The following ELP1 variants were observed in gnomAD, a reference collection of about 807,000 sequenced individuals.
The protein encoded by ELP1 is elongator acetyltransferase complex subunit 1.
ELP1 carries 131 observed loss-of-function variants against 183.2 expected under a neutral mutation model. That is an observed-to-expected ratio of 0.72 (90% confidence interval 0.62 to 0.83). The LOEUF (loss-of-function observed/expected upper bound fraction) is 0.83. Among genes scored for constraint, ELP1 ranks in the 40% least tolerant of loss-of-function variants. ELP1 has a pLI of 0.00. For missense variants in ELP1, 1,550 were observed against 1,594.9 expected (o/e 0.97, Z 0.48); for synonymous variants, 555 against 569.0 (o/e 0.98, Z 0.35).
intron 35 of ELP1, among the ~76,000 whole-genome samples, chr9:108,876,101 C>A (rs531085661): frequency 9.2e-4 from 140 of 152,070 alleles, no homozygotes; most frequent in Middle Eastern, 3.4e-3. Flanking sequence ...CTTGGTGACA[C>A]CCTGTCTCTA....
Position 108,868,104 on chromosome 9 carries a change from GA to G in ELP1, c.*1010del, listed in dbSNP as rs1438651324. On this transcript the variant is annotated 3_prime_UTR_variant, in exon 37 of 37. Coordinates refer to ENST00000374647, the MANE Select transcript of ELP1 (RefSeq NM_003640.5). ...GAGTTTTCACTCTATTAGTTCCTTT[GA>G]AAGCTGGTTGTTGTTATAGAGACAC... is the stretch of plus-strand genomic sequence containing the variant. 1 of 152,166 alleles carries G rather than the reference GA, an allele frequency of 6.6e-6. No individual in the cohort carries two copies. The highest frequency in any genetic ancestry group is 1.5e-5 in the Non-Finnish European group (1 of 68,034). The allele number at this position is 152,166 out of a possible 1,614,324, so 9.4% of individuals were successfully genotyped here. A position where few individuals can be genotyped will look rare whatever the true frequency, so the allele number is the denominator to read the frequency against.
chr9:108,921,713 C>T (rs1213235432), intron 6 of ELP1, among the ~76,000 whole-genome samples: 1 of 152,144 alleles, frequency 6.6e-6, no homozygotes, highest in East Asian at 1.9e-4. Flanking sequence ...ATGTTTCTGC[C>T]CTCTAATAAT....
intron 31 of ELP1, among the ~76,000 whole-genome samples, chr9:108,880,721 G>A (rs10512388): frequency 0.18 from 27,490 of 152,098 alleles, 3,215 homozygotes; most frequent in African/African-American, 0.33. Flanking sequence ...TGAATTATCG[G>A]CATTTATCTA....
intron 12 of ELP1, among the ~76,000 whole-genome samples, chr9:108,909,923 CT>C (rs1409717428): frequency 6.6e-6 from 1 of 152,074 alleles, no homozygotes; most frequent in African/African-American, 2.4e-5. Flanking sequence ...CTGTACAACT[CT>C]GTGAATATAC....
At chr9:108,896,905 T>C in intron 24 of ELP1, 48 bp downstream of exon 24, 1 of 1,471,198 alleles carries the variant, frequency 6.8e-7, no homozygotes, top group Non-Finnish European at 9.5e-7. Context: ...AGAAGACTAG[T>C]AGCAGTCACG....
At chr9:108,894,503 G>C (rs142205239) in intron 25 of ELP1, among the ~76,000 whole-genome samples, 1 of 152,226 alleles carries the variant, frequency 6.6e-6, no homozygotes, top group African/African-American at 2.4e-5. Flanking sequence ...CTCACGTTGT[G>C]CAAGGGTCAG....
intron 20 of ELP1, 23 bp from the exon 21 acceptor site, chr9:108,898,772 T>C (rs1459587530): frequency 2.6e-6 from 4 of 1,550,770 alleles, no homozygotes; most frequent in East Asian, 2.2e-5. Flanking sequence ...AGAGAAAGAA[T>C]AGAAAAGATA....
intron 35 of ELP1, chr9:108,875,546 C>T: frequency 3.4e-6 from 1 of 297,414 alleles, no homozygotes; most frequent in South Asian, 2.9e-5. Flanking sequence ...CGGTATCCTG[C>T]ACATACCACA....
chr9:108,930,593 G>A (rs1281147808), intron 2 of ELP1, among the ~76,000 whole-genome samples: 2 of 150,660 alleles, frequency 1.3e-5, no homozygotes, highest in Non-Finnish European at 3.0e-5. Flanking sequence ...GGGAGGCTGA[G>A]GCAGGAGAAT....
intron 6 of ELP1, among the ~76,000 whole-genome samples, chr9:108,922,170 C>T (rs893924275): frequency 6.6e-6 from 1 of 152,142 alleles, no homozygotes; most frequent in African/African-American, 2.4e-5. Context: ...AAGGGTAATA[C>T]TTTTCAATTC....
chr9:108,896,550 A>G lies in ELP1; in HGVS notation c.2682T>C (p.Ser894=), dbSNP rs1450438662. The part of the protein sequence containing the change: ...LVDVNELYDH[S]LGTYDFDLVL... ...CCAAATCAAAGTCATAGGTGCCAAG[A>G]GAATGATCATATAATTCATTAACAT... The change falls in exon 25 of 37, where the codon TCT becomes TCC. Residue 894 remains serine (S), a synonymous_variant. Coordinates refer to ENST00000374647, the MANE Select transcript of ELP1 (RefSeq NM_003640.5). 2 of 1,614,056 alleles carry G rather than the reference A, an allele frequency of 1.2e-6. No individual in the cohort carries two copies. The highest frequency in any genetic ancestry group is 1.6e-4 in the Middle Eastern group (1 of 6,062).
At position 108,892,118 on chromosome 9, in the gene ELP1, C is replaced by G. The variant is rs550959264; in HGVS notation, c.2959-714G>C. On this transcript the variant is annotated intron_variant, in intron 27 of 36. Transcript: ENST00000374647. ...GGAGCCCACAGCCTGGTGGAGGCGA[C>G]AAACCAGCTAATCAGCAGTTTGACA... Among the ~76,000 whole-genome samples, 5 of 152,284 alleles carry G rather than the reference C, an allele frequency of 3.3e-5. No homozygotes were observed. In the South Asian group the frequency reaches 1.0e-3, roughly 32 times the overall value.
At chr9:108,915,114 A>G (rs527479177) in intron 10 of ELP1, among the ~76,000 whole-genome samples, 1 of 152,296 alleles carries the variant, frequency 6.6e-6, no homozygotes, top group African/African-American at 2.4e-5. Context: ...ACACTTATAC[A>G]TTTTAAAAGC....
chr9:108,910,672 G>C (rs1829179481), intron 12 of ELP1, among the ~76,000 whole-genome samples: 1 of 152,114 alleles, frequency 6.6e-6, no homozygotes, highest in South Asian at 2.1e-4. Context: ...GGAGGGATGA[G>C]ATCAACTGAA....
At chr9:108,869,939 G>A (rs776548868) in intron 36 of ELP1, among the ~76,000 whole-genome samples, 3 of 152,106 alleles carry the variant, frequency 2.0e-5, no homozygotes, top group Admixed American at 6.5e-5. Context: ...GGTTATGGGT[G>A]CGGACCCCCC....
At chr9:108,899,365 A>G (rs1828683302) in intron 20 of ELP1, among the ~76,000 whole-genome samples, 1 of 152,164 alleles carries the variant, frequency 6.6e-6, no homozygotes, top group Non-Finnish European at 1.5e-5. Flanking sequence ...ATTAGTATAG[A>G]TCTTTCCAAT....
intron 7 of ELP1, 110 bp downstream of exon 7, chr9:108,919,143 C>T (rs528155899): frequency 1.5e-5 from 12 of 797,442 alleles, no homozygotes; most frequent in South Asian, 3.0e-5. Context: ...CACATCCTTG[C>T]CTCATATGTA....
chr9:108,906,159 T>C, intron 14 of ELP1, 144 bp downstream of exon 14: 1 of 772,200 alleles, frequency 1.3e-6, no homozygotes, highest in East Asian at 2.6e-5. Flanking sequence ...ATAACTAGAC[T>C]TAACCTTCTT....
Position 108,927,429 on chromosome 9 carries a change from T to C in ELP1, c.328A>G (p.Ser110Gly). The part of the protein sequence containing the change: ...QQLECVGSVA[S>G]GISVMSWSPD... ...CTCCAACTCATAACAGAGATACCAC[T>C]GGCTACACTCCCAACACACTCCAGC... is the stretch of plus-strand genomic sequence containing the variant. The change falls in exon 4 of 37, where the codon AGT (serine) becomes GGT (glycine). Residue 110 changes from serine to glycine, a missense_variant. Ser to Gly is a moderately conservative substitution (Grantham distance 56, BLOSUM62 0). Transcript: ENST00000374647. 1.2e-6 allele frequency: 2 copies of C among 1,613,826 alleles called. No homozygotes were observed. Among genetic ancestry groups the C allele is most frequent in the Middle Eastern group, 1.6e-4 (1 of 6,062 alleles).
Sources: gnomAD v4.1 joint callset for allele counts (sites outside exome capture counted in the v4.1 genomes callset) on GRCh38, gnomAD v4.1.1 for gene constraint, MANE v1.5 for transcripts, NCBI Gene and HGNC (gene_info 2026-07-23, HGNC 2026-07-21) for gene names.